The following RIN3 variants were observed in gnomAD, a reference collection of about 807,000 sequenced individuals.
RIN3 encodes RAB5 interacting protein 3.
RIN3 carries 54 observed loss-of-function variants against 76.3 expected under a neutral mutation model. The ratio of observed to expected loss-of-function variants is 0.71; its 90% CI spans 0.57 to 0.89. The LOEUF is 0.89. Ranked by LOEUF, RIN3 falls within the 40% of genes least tolerant of loss-of-function variation. The pLI, the probability that RIN3 is intolerant of heterozygous loss-of-function variation, is 0.00. For missense variants in RIN3, 1,256 were observed against 1,322.1 expected (o/e 0.95, Z 0.78); for synonymous variants, 576 against 564.0 (o/e 1.02, Z -0.30).
Position 92,665,545 on chromosome 14 carries a change from A to AT in RIN3, c.2335+6084dup, listed in dbSNP as rs557601059. Among the ~76,000 whole-genome samples, 6 of 150,760 alleles carry AT rather than the reference A, an allele frequency of 4.0e-5. 1 individual carries two copies. The South Asian group carries it at 8.4e-4, about 21-fold the overall frequency. ...AGGTGCCCACCACCATGCCCGGCTA[A>AT]TTTTTTTTCGTATTTTTAGTAGAGA... On this transcript the variant is annotated intron_variant, in intron 7 of 9. Coordinates refer to ENST00000216487, the MANE Select transcript of RIN3 (RefSeq NM_024832.5).
chr14:92,653,636 C>CCA (rs1343279886), intron 6 of RIN3, among the ~76,000 whole-genome samples: 3 of 152,236 alleles, frequency 2.0e-5, no homozygotes, highest in Admixed American at 6.5e-5. Flanking sequence ...CCCACCCTCA[C>CCA]CAGCCTCGAA....
intron 1 of RIN3, among the ~76,000 whole-genome samples, chr14:92,547,763 G>T (rs1370086551): frequency 6.6e-6 from 1 of 152,020 alleles, no homozygotes; most frequent in Non-Finnish European, 1.5e-5. Flanking sequence ...GAGTGCAGTG[G>T]CACCATCTCA....
intron 4 of RIN3, 80 bp from the exon 5 acceptor site, chr14:92,641,158 T>G: frequency 1.8e-6 from 2 of 1,108,596 alleles, no homozygotes. Flanking sequence ...CAGCAGAGAT[T>G]GCCAGGGCTC....
chr14:92,655,688 G>A (rs1203213495), intron 6 of RIN3, among the ~76,000 whole-genome samples: 2 of 152,246 alleles, frequency 1.3e-5, no homozygotes, highest in East Asian at 1.9e-4. Context: ...AGACCAGGAC[G>A]GAGGCAGCAC....
chr14:92,543,611 G>A (rs1306035589), intron 1 of RIN3, among the ~76,000 whole-genome samples: 1 of 139,574 alleles, frequency 7.2e-6, no homozygotes, highest in Non-Finnish European at 1.5e-5. Flanking sequence ...ACACATCAAG[G>A]CTTTTGCTTT....
At chr14:92,633,531 G>A (rs1886663750) in intron 4 of RIN3, among the ~76,000 whole-genome samples, 1 of 152,188 alleles carries the variant, frequency 6.6e-6, no homozygotes. Flanking sequence ...TATATAGCCG[G>A]CCAGTCAGAA....
At chr14:92,565,736 T>C (rs945080095) in intron 2 of RIN3, among the ~76,000 whole-genome samples, 1 of 152,212 alleles carries the variant, frequency 6.6e-6, no homozygotes, top group Non-Finnish European at 1.5e-5. Context: ...CAGAGGCCAC[T>C]TTCATTGCCA....
At chr14:92,534,642 A>G (rs1410118402) in intron 1 of RIN3, among the ~76,000 whole-genome samples, 2 of 150,994 alleles carry the variant, frequency 1.3e-5, no homozygotes, top group Non-Finnish European at 2.9e-5. Context: ...AAGTGTGGAG[A>G]GGTTGGAATG....
chr14:92,527,136 C>T (rs970870234), intron 1 of RIN3, among the ~76,000 whole-genome samples: 27 of 151,344 alleles, frequency 1.8e-4, no homozygotes, highest in Non-Finnish European at 3.5e-4. Flanking sequence ...CTGCAAGCTC[C>T]GCCTCCTGGG....
intron 3 of RIN3, among the ~76,000 whole-genome samples, chr14:92,585,301 G>A (rs934109987): frequency 1.3e-5 from 2 of 152,200 alleles, no homozygotes; most frequent in Non-Finnish European, 2.9e-5. Context: ...CTAGGATAAT[G>A]GGTCAGCTGG....
intron 2 of RIN3, among the ~76,000 whole-genome samples, chr14:92,563,787 G>C (rs907762842): frequency 5.3e-5 from 8 of 152,182 alleles, no homozygotes. Flanking sequence ...TGGGAAAGGT[G>C]GGCCTCAGTT....
At chr14:92,549,282 C>T (rs1897359784) in intron 1 of RIN3, among the ~76,000 whole-genome samples, 1 of 152,212 alleles carries the variant, frequency 6.6e-6, no homozygotes, top group South Asian at 2.1e-4. Context: ...CACCTCCCGC[C>T]CCCTGGCGTG....
intron 1 of RIN3, among the ~76,000 whole-genome samples, chr14:92,543,871 C>G (rs1897183081): frequency 6.6e-6 from 1 of 151,986 alleles, no homozygotes; most frequent in Admixed American, 6.6e-5. Flanking sequence ...TGATCCAAAC[C>G]AGATACTCCA....
chr14:92,652,401 G>A lies in RIN3; in HGVS notation c.1352G>A (p.Arg451Lys). ...SDPHSMPELP[R>K]TAKQPPVPPP... is the part of the protein sequence containing the mutation. The stretch of plus-strand genomic sequence containing the variant: ...CCTCACAGCATGCCAGAGCTGCCCA[G>A]GACAGCCAAACAACCCCCAGTCCCG... Residue 451 changes from arginine (R) to lysine (K), a missense_variant, in exon 6 of 10, where the codon AGG becomes AAG. Physicochemically the swap from Arg to Lys is conservative, Grantham distance 26. Coordinates refer to ENST00000216487, the MANE Select transcript of RIN3 (RefSeq NM_024832.5). This position sits in a 1 kb window ranked among gnomAD's most constrained non-coding sequence, Gnocchi z 6.4. 6.2e-7 allele frequency: 1 copy of A among 1,612,990 alleles called. No individual in the cohort carries two copies. Among genetic ancestry groups the A allele is most frequent in the Non-Finnish European group, 8.5e-7 (1 of 1,179,520 alleles).
At chr14:92,632,105 T>C (rs111966528) in intron 4 of RIN3, among the ~76,000 whole-genome samples, 79 of 152,180 alleles carry the variant, frequency 5.2e-4, no homozygotes, top group African/African-American at 1.8e-3. Context: ...CCAACCTCAG[T>C]CTGGTCCTGT....
At chr14:92,546,918 G>C (rs1318261846) in intron 1 of RIN3, among the ~76,000 whole-genome samples, 1 of 150,806 alleles carries the variant, frequency 6.6e-6, no homozygotes, top group Non-Finnish European at 1.5e-5. Flanking sequence ...CCTACTAAAA[G>C]TGTTAACATG....
rs536295527 is a variant in RIN3 at position 92,518,127 on chromosome 14, CAG to C, written c.44+4155_44+4156del. Among the ~76,000 whole-genome samples, 25 of 152,358 alleles carry C rather than the reference CAG, an allele frequency of 1.6e-4. No homozygotes were observed. The East Asian group carries it at 4.8e-3, about 29-fold the overall frequency. On this transcript the variant is annotated intron_variant, in intron 1 of 9. Transcript: ENST00000216487. Reference sequence around the variant, plus strand: ...GTAGCCTTCTATCCATGCCAGCTCACAGAGATTCCTCCTTTTTGAATATTCAT... The same window carrying C: ...GTAGCCTTCTATCCATGCCAGCTCACAGATTCCTCCTTTTTGAATATTCAT...
At chr14:92,531,943 T>C (rs2140004776) in intron 1 of RIN3, among the ~76,000 whole-genome samples, 1 of 151,844 alleles carries the variant, frequency 6.6e-6, no homozygotes, top group Non-Finnish European at 1.5e-5. Context: ...TTTTTTTTTT[T>C]TTTGAGACTG....
At chr14:92,515,098 G>A in intron 1 of RIN3, 1 of 596,514 alleles carries the variant, frequency 1.7e-6, no homozygotes, top group Non-Finnish European at 3.0e-6. Context: ...GAGGGACTGG[G>A]AGGGGGCCTT....
Sources: gnomAD v4.1 joint callset for allele counts (sites outside exome capture counted in the v4.1 genomes callset) on GRCh38, gnomAD v4.1.1 for gene constraint, Gnocchi (gnomAD v3.1) non-coding constraint, MANE v1.5 for transcripts, NCBI Gene and HGNC (gene_info 2026-07-23, HGNC 2026-07-21) for gene names.